PCDHGA7: variants seen among roughly 807,000 people sequenced by gnomAD.
The protein encoded by PCDHGA7 is protocadherin gamma-A7.
A neutral mutation model predicts 58.3 loss-of-function variants in PCDHGA7; 44 were observed. The ratio of observed to expected loss-of-function variants is 0.75; its 90% CI spans 0.59 to 0.97. PCDHGA7 has a LOEUF of 0.97. Ranked by LOEUF, PCDHGA7 falls within the 50% of genes least tolerant of loss-of-function variation. The pLI is 0.00. For missense variants in PCDHGA7, 1,266 were observed against 1,188.7 expected (o/e 1.06, Z -0.96); for synonymous variants, 516 against 504.2 (o/e 1.02, Z -0.31).
chr5:141,432,539 G>A lies in PCDHGA7; in HGVS notation c.2424+47216G>A. 2.5e-6 allele frequency: 4 copies of A among 1,614,038 alleles called. No individual in the cohort carries two copies. Among genetic ancestry groups the A allele is most frequent in the Non-Finnish European group, 3.4e-6 (4 of 1,180,022 alleles). ...CTACCTGGTGACCAAGGTGGTGGCG[G>A]TGGACAGAGACTCCGGCCAGAACGC... On this transcript the variant is annotated intron_variant, in intron 1 of 3. Transcript: ENST00000518325. The surrounding 1 kb of genome is among the most constrained non-coding windows in gnomAD (Gnocchi z 6.0).
intron 1 of PCDHGA7, chr5:141,419,434 G>A (rs372006900): frequency 2.5e-5 from 41 of 1,613,112 alleles, no homozygotes; most frequent in Non-Finnish European, 3.3e-5. Flanking sequence ...ACGAGCAGCT[G>A]CGCACCTTCG....
intron 1 of PCDHGA7, among the ~76,000 whole-genome samples, chr5:141,445,180 GT>G (rs745433969): frequency 6.6e-6 from 1 of 152,148 alleles, no homozygotes; most frequent in Non-Finnish European, 1.5e-5. Flanking sequence ...GAAAAACTAT[GT>G]TTTTATGTAT....
intron 1 of PCDHGA7, chr5:141,475,839 CAG>C: frequency 2.3e-6 from 1 of 433,254 alleles, no homozygotes; most frequent in Non-Finnish European, 4.1e-6. Flanking sequence ...GTGTCCTGCT[CAG>C]AGAGCCCGGC....
intron 1 of PCDHGA7, chr5:141,475,917 C>T (rs1012431912): frequency 1.7e-6 from 1 of 599,962 alleles, no homozygotes. Context: ...AATGAAGACG[C>T]TGGAGATCGG....
intron 1 of PCDHGA7, among the ~76,000 whole-genome samples, chr5:141,454,881 C>G (rs2098805859): frequency 7.4e-6 from 1 of 135,536 alleles, no homozygotes; most frequent in African/African-American, 2.8e-5. Flanking sequence ...GATCTTGGCT[C>G]ACTGCTAGCA....
At chr5:141,455,920 C>A (rs941360102) in intron 1 of PCDHGA7, among the ~76,000 whole-genome samples, 1 of 147,944 alleles carries the variant, frequency 6.8e-6, no homozygotes, top group Non-Finnish European at 1.5e-5. Flanking sequence ...TATTTTGAGA[C>A]GGAGTCTCGC....
Position 141,432,220 on chromosome 5 carries a change from C to T in PCDHGA7, c.2424+46897C>T. The T allele has an allele frequency of 6.2e-7, 1 of 1,614,246 alleles. No homozygotes were observed. Among genetic ancestry groups the T allele is most frequent in the Non-Finnish European group, 8.5e-7 (1 of 1,180,040 alleles). Reference sequence around the variant, plus strand: ...CCGACTGTGAAGAGAACGCCCAGATCACTTATTCCCTGGCTGAGAACACCA... The same window carrying T: ...CCGACTGTGAAGAGAACGCCCAGATTACTTATTCCCTGGCTGAGAACACCA... On this transcript the variant is annotated intron_variant, in intron 1 of 3. Coordinates refer to ENST00000518325, the MANE Select transcript of PCDHGA7 (RefSeq NM_018920.4). The surrounding 1 kb of genome is among the most constrained non-coding windows in gnomAD (Gnocchi z 6.0).
chr5:141,401,429 G>A lies in PCDHGA7; in HGVS notation c.2424+16106G>A, dbSNP rs1305820458. ...AGAGAAAGAGAGAGACTGATTCACT[G>A]AACTTAGAAGGTCCAAATCATCCAA... On this transcript the variant is annotated intron_variant, in intron 1 of 3. Coordinates refer to ENST00000518325, the MANE Select transcript of PCDHGA7 (RefSeq NM_018920.4). Among the ~76,000 whole-genome samples the A allele has an allele frequency of 2.6e-5, 4 of 152,182 alleles. No homozygotes were observed. In the East Asian group the frequency reaches 7.7e-4, roughly 29 times the overall value.
At chr5:141,469,548 C>A (rs2099204726) in intron 1 of PCDHGA7, among the ~76,000 whole-genome samples, 1 of 152,212 alleles carries the variant, frequency 6.6e-6, no homozygotes, top group East Asian at 1.9e-4. Context: ...GCACTCCAGC[C>A]TGGCGACAGA....
chr5:141,389,771 C>T lies in PCDHGA7; in HGVS notation c.2424+4448C>T, dbSNP rs1239854891. 4 of 1,613,088 alleles carry T rather than the reference C, an allele frequency of 2.5e-6. No homozygotes were observed. The Admixed American group carries it at 5.0e-5, about 20-fold the overall frequency. ...CGGGCGAAGTGCGCACAGCGCGTGC[C>T]TTAGGCGACAGGGACGCCGTCCGCC... is the stretch of plus-strand genomic sequence containing the variant. On this transcript the variant is annotated intron_variant, in intron 1 of 3. Coordinates refer to ENST00000518325, the MANE Select transcript of PCDHGA7 (RefSeq NM_018920.4).
intron 1 of PCDHGA7, chr5:141,416,205 A>T (rs1239154825): frequency 1.3e-5 from 2 of 152,458 alleles, no homozygotes; most frequent in Non-Finnish European, 2.9e-5. Context: ...CAATTTATTT[A>T]TAACAATGTA....
intron 1 of PCDHGA7, among the ~76,000 whole-genome samples, chr5:141,451,522 A>G (rs1387873094): frequency 6.6e-6 from 1 of 152,200 alleles, no homozygotes; most frequent in Non-Finnish European, 1.5e-5. Flanking sequence ...TAGAGCAAGT[A>G]AAGGAGAGTG....
intron 1 of PCDHGA7, among the ~76,000 whole-genome samples, chr5:141,433,482 C>T (rs935076625): frequency 3.3e-5 from 5 of 152,110 alleles, no homozygotes; most frequent in African/African-American, 9.6e-5. Flanking sequence ...TAGCCTCCTG[C>T]TTCTCCCTCC....
rs745638360 is a variant in PCDHGA7, at chr5:141,410,529, A to G, written c.2424+25206A>G. Reference sequence around the variant, plus strand: ...AAATGCAGTGTGCCCCTACATTCCAATGAAGACATGGTTTGCAGTGTTTCT... The same window carrying G: ...AAATGCAGTGTGCCCCTACATTCCAGTGAAGACATGGTTTGCAGTGTTTCT... On this transcript the variant is annotated intron_variant, in intron 1 of 3. Transcript: ENST00000518325. The G allele has an allele frequency of 3.1e-6, 5 of 1,613,804 alleles. No individual in the cohort carries two copies. The Admixed American group carries it at 5.0e-5, about 16-fold the overall frequency.
At chr5:141,419,796 T>A in intron 1 of PCDHGA7, 1 of 1,614,026 alleles carries the variant, frequency 6.2e-7, no homozygotes. Flanking sequence ...CTAGTCGCTG[T>A]AAGAGATGGA....
chr5:141,510,291 A>AG (rs903726285), intron 3 of PCDHGA7, among the ~76,000 whole-genome samples: 1 of 150,450 alleles, frequency 6.6e-6, no homozygotes, highest in African/African-American at 2.4e-5. Context: ...AAAAAAAAAA[A>AG]TGCTGTTTTG....
chr5:141,389,321 G>T (rs570682726), intron 1 of PCDHGA7: 1 of 1,613,982 alleles, frequency 6.2e-7, no homozygotes. Context: ...ATCCGGACTT[G>T]GGGCCCAACG....
Position 141,431,804 on chromosome 5 carries a change from C to G in PCDHGA7, c.2424+46481C>G. On this transcript the variant is annotated intron_variant, in intron 1 of 3. Transcript: ENST00000518325. This position sits in a 1 kb window ranked among gnomAD's most constrained non-coding sequence, Gnocchi z 4.8. Reference sequence around the variant, plus strand: ...GAACGACAATGCCCCAGAAGTGGTCCTCACCTCTCTCGCCAGCTCGGTTCC... The same window carrying G: ...GAACGACAATGCCCCAGAAGTGGTCGTCACCTCTCTCGCCAGCTCGGTTCC... 6.2e-7 allele frequency: 1 copy of G among 1,614,232 alleles called. No homozygotes were observed. The highest frequency in any genetic ancestry group is 1.3e-5 in the African/African-American group (1 of 75,056).
chr5:141,468,598 G>A (rs1250884127), intron 1 of PCDHGA7: 1 of 152,228 alleles, frequency 6.6e-6, no homozygotes, highest in African/African-American at 2.4e-5. Context: ...TGGGCGCGGT[G>A]GCTCACGCCT....
Sources: allele counts gnomAD v4.1 joint callset (sites outside exome capture counted in the v4.1 genomes callset), GRCh38; gene constraint gnomAD v4.1.1; non-coding constraint Gnocchi (gnomAD v3.1); transcripts MANE v1.5; gene names NCBI Gene and HGNC (gene_info 2026-07-23, HGNC 2026-07-21).